CTNNA3: variants seen among roughly 807,000 people sequenced by gnomAD.
The protein encoded by CTNNA3 is catenin alpha 3.
Under a neutral mutation model 95.7 loss-of-function variants are expected in CTNNA3, and 76 were observed. The ratio of observed to expected loss-of-function variants is 0.79; its 90% CI spans 0.66 to 0.96. The LOEUF (loss-of-function observed/expected upper bound fraction) is 0.96. Among genes scored for constraint, CTNNA3 ranks in the 40% least tolerant of loss-of-function variants. The pLI, the probability that CTNNA3 is intolerant of heterozygous loss-of-function variation, is 0.00. For missense variants in CTNNA3, 1,191 were observed against 1,089.8 expected (o/e 1.09, Z -1.31); for synonymous variants, 431 against 374.4 (o/e 1.15, Z -1.74).
intron 5 of CTNNA3, among the ~76,000 whole-genome samples, chr10:67,321,207 A>T (rs1195792322): frequency 6.6e-6 from 1 of 152,214 alleles, no homozygotes; most frequent in African/African-American, 2.4e-5. Context: ...TTCAATCACC[A>T]ATCCCCATGT....
intron 3 of CTNNA3, 94 bp downstream of exon 3, chr10:67,606,763 G>C: frequency 3.0e-6 from 3 of 1,009,852 alleles, no homozygotes; most frequent in Non-Finnish European, 4.4e-6. Context: ...TAAAAAACTG[G>C]AGCCAACAAA....
chr10:66,474,330 T>G (rs1839246191), intron 11 of CTNNA3, among the ~76,000 whole-genome samples: 2 of 152,078 alleles, frequency 1.3e-5, no homozygotes. Flanking sequence ...GTGACTGGCT[T>G]GTTTCACTTT....
At chr10:66,668,628 C>G (rs1048374196) in intron 9 of CTNNA3, among the ~76,000 whole-genome samples, 6 of 151,962 alleles carry the variant, frequency 3.9e-5, no homozygotes, top group Non-Finnish European at 7.4e-5. Context: ...GCCTGGCCAA[C>G]ATGGCAAAAC....
chr10:67,654,647 C>T (rs1839971168), intron 1 of CTNNA3, among the ~76,000 whole-genome samples: 2 of 152,244 alleles, frequency 1.3e-5, no homozygotes, highest in Non-Finnish European at 2.9e-5. Context: ...ACCACCACAC[C>T]TGGCTGTTAT....
At chr10:66,116,635 G>C (rs1052374774) in intron 13 of CTNNA3, among the ~76,000 whole-genome samples, 1 of 152,104 alleles carries the variant, frequency 6.6e-6, no homozygotes, top group Non-Finnish European at 1.5e-5. Flanking sequence ...AACACATACT[G>C]TATGTATTAG....
chr10:66,937,096 T>C (rs1847750454), intron 7 of CTNNA3, among the ~76,000 whole-genome samples: 3 of 152,172 alleles, frequency 2.0e-5, no homozygotes, highest in South Asian at 4.1e-4. Context: ...AGAATTTTTT[T>C]TTCAGTGAAT....
At chr10:66,527,678 A>G (rs1310714232) in intron 10 of CTNNA3, among the ~76,000 whole-genome samples, 2 of 152,070 alleles carry the variant, frequency 1.3e-5, no homozygotes, top group Non-Finnish European at 2.9e-5. Flanking sequence ...ATTCCTAGGC[A>G]TTTCATTTCG....
At chr10:66,974,864 T>C (rs1186629708) in intron 7 of CTNNA3, among the ~76,000 whole-genome samples, 1 of 152,182 alleles carries the variant, frequency 6.6e-6, no homozygotes, top group Non-Finnish European at 1.5e-5. Context: ...GAGTTGTTTT[T>C]TCTTCATATT....
At chr10:66,833,830 G>T (rs1564712202) in intron 7 of CTNNA3, among the ~76,000 whole-genome samples, 1 of 152,058 alleles carries the variant, frequency 6.6e-6, no homozygotes, top group Non-Finnish European at 1.5e-5. Context: ...GGACTAATAG[G>T]ATTTCACGAA....
Position 67,758,323 on chromosome 10 carries a change from T to TATAC in CTNNA3, c.-2+5110_-2+5111insGTAT, listed in dbSNP as rs71468879. On this transcript the variant is annotated intron_variant, in intron 1 of 17. Transcript: ENST00000684154. ...ACACACACATATATATAAATATATA[T>TATAC]ACACACACACACACACACACACACA... Among the ~76,000 whole-genome samples the TATAC allele has an allele frequency of 4.5e-4, 64 of 143,410 alleles. No homozygotes were observed. The East Asian group carries it at 4.8e-3, about 11-fold the overall frequency. The allele number at this position is 143,410 out of a possible 152,430, so 94.1% of individuals were successfully genotyped here.
At chr10:65,973,112 A>G (rs2078142883) in intron 16 of CTNNA3, among the ~76,000 whole-genome samples, 1 of 152,094 alleles carries the variant, frequency 6.6e-6, no homozygotes, top group African/African-American at 2.4e-5. Context: ...GTGACTCCCT[A>G]TTCAGTATCT....
At position 66,009,698 on chromosome 10, in the gene CTNNA3, C is replaced by T. The variant is rs184467623; in HGVS notation, c.2160-20901G>A. On this transcript the variant is annotated intron_variant, in intron 15 of 17. Coordinates refer to ENST00000433211, the MANE Select transcript of CTNNA3 (RefSeq NM_013266.4). Reference sequence around the variant, plus strand: ...TTCTCTCAACATATCTCTCATCTTACCCATACCTCTTTTGAGATTGTCACC... The same window carrying T: ...TTCTCTCAACATATCTCTCATCTTATCCATACCTCTTTTGAGATTGTCACC... 1.1e-3 allele frequency among the ~76,000 whole-genome samples: 163 copies of T among 152,248 alleles called. 1 individual carries two copies. The highest frequency in any genetic ancestry group is 3.4e-3 in the Middle Eastern group (1 of 294).
chr10:66,723,253 CAT>C (rs1415251959), intron 9 of CTNNA3, among the ~76,000 whole-genome samples: 4 of 152,142 alleles, frequency 2.6e-5, no homozygotes, highest in African/African-American at 4.8e-5. Context: ...TTTCTAGTAA[CAT>C]ATGTTTTCTC....
intron 7 of CTNNA3, among the ~76,000 whole-genome samples, chr10:67,124,332 C>T (rs920278315): frequency 3.1e-4 from 30 of 95,752 alleles, no homozygotes; most frequent in African/African-American, 1.2e-3. Flanking sequence ...GGTGTGTTAG[C>T]GGTGTGTGTG....
rs191560198 is a variant in CTNNA3 at position 66,158,712 on chromosome 10, G to A, written c.1885-55463C>T. 7.9e-3 allele frequency among the ~76,000 whole-genome samples: 1,197 copies of A among 152,034 alleles called. 9 individuals carry two copies. Among genetic ancestry groups the A allele is most frequent in the Admixed American group, 0.018 (270 of 15,240 alleles). ...TGATGGTGGTAATTTAATGGAAATTGCATTGAATTTGTAGATTGTTTTGGC... is the reference window on the plus strand; with the variant it reads ...TGATGGTGGTAATTTAATGGAAATTACATTGAATTTGTAGATTGTTTTGGC... On this transcript the variant is annotated intron_variant, in intron 13 of 17. Transcript: ENST00000433211.
At position 67,162,416 on chromosome 10, in the gene CTNNA3, A is replaced by C. The variant is rs554464756; in HGVS notation, c.1047+17901T>G. Among the ~76,000 whole-genome samples the C allele has an allele frequency of 5.1e-3, 780 of 152,116 alleles. 6 individuals carry two copies. Among genetic ancestry groups the C allele is most frequent in the African/African-American group, 0.018 (730 of 41,560 alleles). On this transcript the variant is annotated intron_variant, in intron 7 of 17. Coordinates refer to ENST00000433211, the MANE Select transcript of CTNNA3 (RefSeq NM_013266.4). ...AAATAGCCTCAATATATGTAAAAAA[A>C]AATTAGTCACAAAGAGTGTGTTCTC...
chr10:67,400,563 T>C (rs1844880113), intron 5 of CTNNA3, among the ~76,000 whole-genome samples: 1 of 152,206 alleles, frequency 6.6e-6, no homozygotes, highest in Non-Finnish European at 1.5e-5. Flanking sequence ...TATCCCTTTG[T>C]TTGGTAATCA....
intron 15 of CTNNA3, among the ~76,000 whole-genome samples, chr10:66,039,951 A>T (rs1181965525): frequency 1.3e-5 from 2 of 152,180 alleles, no homozygotes; most frequent in African/African-American, 4.8e-5. Context: ...GAAGGGGAGA[A>T]AATTTTTCCA....
intron 9 of CTNNA3, among the ~76,000 whole-genome samples, chr10:66,626,320 G>C (rs1844933089): frequency 6.6e-6 from 1 of 152,058 alleles, no homozygotes; most frequent in Non-Finnish European, 1.5e-5. Flanking sequence ...AGCAAACCTT[G>C]ATGTTTGCTG....
Sources: allele counts gnomAD v4.1 joint callset (sites outside exome capture counted in the v4.1 genomes callset), GRCh38; gene constraint gnomAD v4.1.1; transcripts MANE v1.5; gene names NCBI Gene and HGNC (gene_info 2026-07-23, HGNC 2026-07-21).